The following MCPH1 variants were observed in gnomAD, a reference collection of about 807,000 sequenced individuals.
The protein encoded by MCPH1 is microcephalin 1.
A neutral mutation model predicts 84.5 loss-of-function variants in MCPH1; 104 were observed. The ratio of observed to expected loss-of-function variants is 1.23; its 90% CI spans 1.05 to 1.45. The LOEUF (loss-of-function observed/expected upper bound fraction) is 1.45. MCPH1 is among the 40% of genes most tolerant of loss of function. The pLI is 0.00. For missense variants in MCPH1, 1,498 were observed against 1,005.7 expected (o/e 1.49, Z -6.62); for synonymous variants, 514 against 366.8 (o/e 1.40, Z -4.58).
Position 6,643,204 on chromosome 8 carries a change from T to G in MCPH1, c.*155T>G. ...ATGTGTTGTGGTTCTTAAGAACTCATAGGTGACTTTCTGATGACTGAATGT... is the reference window on the plus strand; with the variant it reads ...ATGTGTTGTGGTTCTTAAGAACTCAGAGGTGACTTTCTGATGACTGAATGT... On this transcript the variant is annotated 3_prime_UTR_variant, in exon 14 of 14. Transcript: ENST00000344683. 1.4e-6 allele frequency: 1 copy of G among 712,008 alleles called. No individual in the cohort carries two copies. The highest frequency in any genetic ancestry group is 2.5e-6 in the Non-Finnish European group (1 of 396,194). The allele number at this position is 712,008 out of a possible 1,614,324, so 44.1% of individuals were successfully genotyped here. A position where few individuals can be genotyped will look rare whatever the true frequency, so the allele number is the denominator to read the frequency against.
chr8:6,639,452 G>T (rs1350025515), intron 13 of MCPH1, among the ~76,000 whole-genome samples: 1 of 152,030 alleles, frequency 6.6e-6, no homozygotes, highest in Non-Finnish European at 1.5e-5. Context: ...CTTGATGCCG[G>T]GAGTTTGAGA....
At chr8:6,570,536 G>A (rs1017752067) in intron 12 of MCPH1, among the ~76,000 whole-genome samples, 2 of 152,158 alleles carry the variant, frequency 1.3e-5, no homozygotes, top group African/African-American at 4.8e-5. Context: ...TAAAGGACGC[G>A]GGCCTCCACA....
chr8:6,606,902 G>A (rs111680702), intron 12 of MCPH1, among the ~76,000 whole-genome samples: 93 of 152,320 alleles, frequency 6.1e-4, no homozygotes, highest in African/African-American at 2.0e-3. Flanking sequence ...TGTGAGATGT[G>A]CCTTTCACCT....
chr8:6,508,783 A>G, intron 12 of MCPH1: 3 of 1,159,816 alleles, frequency 2.6e-6, no homozygotes. Flanking sequence ...AAAAGTGAAA[A>G]ACACATTTAC....
chr8:6,642,841 T>A (rs1798021285), intron 13 of MCPH1, 153 bp from the exon 14 acceptor site: 6 of 715,828 alleles, frequency 8.4e-6, no homozygotes, highest in East Asian at 2.7e-5. Context: ...TTTAAAAAGG[T>A]ATGTGTGCTC....
At chr8:6,508,793 C>T in intron 12 of MCPH1, 1 of 1,212,958 alleles carries the variant, frequency 8.2e-7, no homozygotes, top group South Asian at 1.2e-5. Context: ...AACACATTTA[C>T]CTATATCAAG....
intron 12 of MCPH1, chr8:6,509,063 C>T (rs1814386299): frequency 1.2e-6 from 2 of 1,612,582 alleles, no homozygotes; most frequent in Admixed American, 1.7e-5. Context: ...AAGGTGAATC[C>T]TGTAAGCGTG....
At chr8:6,456,028 G>C (rs1805640082) in intron 9 of MCPH1, among the ~76,000 whole-genome samples, 2 of 152,314 alleles carry the variant, frequency 1.3e-5, no homozygotes, top group South Asian at 4.1e-4. Context: ...CTGCGGAAGA[G>C]AAACCTGACT....
chr8:6,445,789 C>T, intron 8 of MCPH1: 2 of 1,292,070 alleles, frequency 1.5e-6, no homozygotes, highest in Non-Finnish European at 2.0e-6. Context: ...AAGACTTTTC[C>T]TTCTTATAGG....
At chr8:6,562,492 A>T (rs1586638903) in intron 12 of MCPH1, among the ~76,000 whole-genome samples, 1 of 140,198 alleles carries the variant, frequency 7.1e-6, no homozygotes, top group African/African-American at 2.6e-5. Context: ...AAAAGAAATT[A>T]TCTTTCATTT....
intron 9 of MCPH1, among the ~76,000 whole-genome samples, chr8:6,472,528 C>G (rs1284984156): frequency 6.6e-6 from 1 of 152,034 alleles, no homozygotes; most frequent in African/African-American, 2.4e-5. Context: ...TGCATTGGCC[C>G]GATCTTAGCT....
chr8:6,528,589 C>T (rs74344164), intron 12 of MCPH1, among the ~76,000 whole-genome samples: 4,238 of 152,330 alleles, frequency 0.028, 172 homozygotes, highest in Admixed American at 0.098. Context: ...TCAGCCTTGC[C>T]GTGCGGGCCT....
intron 12 of MCPH1, chr8:6,503,363 G>C (rs922142206): frequency 1.6e-6 from 2 of 1,225,738 alleles, no homozygotes; most frequent in African/African-American, 1.5e-5. Context: ...CTGCAGGCGT[G>C]TGGAGTAGGC....
At chr8:6,529,144 C>A (rs1818956752) in intron 12 of MCPH1, among the ~76,000 whole-genome samples, 1 of 152,200 alleles carries the variant, frequency 6.6e-6, no homozygotes, top group Non-Finnish European at 1.5e-5. Flanking sequence ...ATTTTCACAT[C>A]ACTTTTCTGG....
At chr8:6,493,138 G>A (rs893427371) in intron 11 of MCPH1, among the ~76,000 whole-genome samples, 7 of 152,138 alleles carry the variant, frequency 4.6e-5, no homozygotes, top group East Asian at 1.9e-4. Flanking sequence ...AGAGAAGTAC[G>A]CACTTAGTTA....
At chr8:6,559,718 T>G (rs149754999) in intron 12 of MCPH1, among the ~76,000 whole-genome samples, 21 of 152,376 alleles carry the variant, frequency 1.4e-4, no homozygotes, top group African/African-American at 5.0e-4. Flanking sequence ...ACAATCCATT[T>G]TGCTAAATTA....
chr8:6,551,499 A>C (rs28589441), intron 12 of MCPH1, among the ~76,000 whole-genome samples: 4,940 of 152,248 alleles, frequency 0.032, 185 homozygotes, highest in African/African-American at 0.087. Context: ...AATATGCAAA[A>C]TTTCACATCA....
At chr8:6,436,273 G>C (rs1802626050) in intron 5 of MCPH1, 111 bp downstream of exon 5, 2 of 1,189,558 alleles carry the variant, frequency 1.7e-6, no homozygotes, top group Non-Finnish European at 1.2e-6. Flanking sequence ...GACTATGATA[G>C]CTTTACTCTA....
intron 12 of MCPH1, among the ~76,000 whole-genome samples, chr8:6,522,272 G>A (rs1036411445): frequency 9.2e-5 from 14 of 151,550 alleles, no homozygotes; most frequent in Admixed American, 1.3e-4. Context: ...GGAGAATGGC[G>A]TGATCTCGGG....
Sources: allele counts gnomAD v4.1 joint callset (sites outside exome capture counted in the v4.1 genomes callset), GRCh38; gene constraint gnomAD v4.1.1; transcripts MANE v1.5; gene names NCBI Gene and HGNC (gene_info 2026-07-23, HGNC 2026-07-21).